The following SYT14 variants were observed in gnomAD, a reference collection of about 807,000 sequenced individuals.
SYT14 encodes synaptotagmin-14.
Under a neutral mutation model 74.2 loss-of-function variants are expected in SYT14, and 32 were observed. That is an observed-to-expected ratio of 0.43 (90% CI 0.33 to 0.58). SYT14 has a LOEUF of 0.58. Among genes scored for constraint, SYT14 ranks in the 20% least tolerant of loss-of-function variants. The pLI is 0.05. For missense variants in SYT14, 791 were observed against 981.8 expected (o/e 0.81, Z 2.60); for synonymous variants, 298 against 337.7 (o/e 0.88, Z 1.29).
At chr1:210,094,467 C>G (rs2081933264) in exon 6 of SYT14, 1 of 1,613,852 alleles carries the variant, frequency 6.2e-7, no homozygotes. Flanking sequence ...ACTGCAGCAA[C>G]AGTCCAAGAT....
At chr1:209,945,401 T>A (rs1196067203) in intron 1 of SYT14, among the ~76,000 whole-genome samples, 1 of 152,154 alleles carries the variant, frequency 6.6e-6, no homozygotes, top group Non-Finnish European at 1.5e-5. Context: ...AATGGTCTAA[T>A]TAGGGACAAA....
At chr1:210,001,449 TG>T (rs1254852471) in intron 2 of SYT14, among the ~76,000 whole-genome samples, 2 of 152,206 alleles carry the variant, frequency 1.3e-5, no homozygotes, top group African/African-American at 2.4e-5. Flanking sequence ...TTTCTGGATT[TG>T]GGTTTTAGTA....
At chr1:210,087,533 T>C (rs765853811) in intron 5 of SYT14, among the ~76,000 whole-genome samples, 1 of 152,170 alleles carries the variant, frequency 6.6e-6, no homozygotes, top group Non-Finnish European at 1.5e-5. Flanking sequence ...AGCTTCCTTA[T>C]CCTGCCAAGG....
intron 2 of SYT14, among the ~76,000 whole-genome samples, chr1:210,010,807 A>G (rs1051188020): frequency 2.0e-5 from 3 of 152,232 alleles, no homozygotes; most frequent in Non-Finnish European, 4.4e-5. Flanking sequence ...CACTGGGGCC[A>G]GACAGGGTTT....
chr1:210,103,911 T>C (rs2082114851), intron 7 of SYT14, among the ~76,000 whole-genome samples: 1 of 152,228 alleles, frequency 6.6e-6, no homozygotes, highest in South Asian at 2.1e-4. Flanking sequence ...TTCTACCTTT[T>C]CAGTAACTAT....
At chr1:209,947,647 A>G (rs2078843350) in intron 1 of SYT14, among the ~76,000 whole-genome samples, 1 of 152,246 alleles carries the variant, frequency 6.6e-6, no homozygotes, top group Non-Finnish European at 1.5e-5. Context: ...TGCTATGAAC[A>G]TTGTTGGAAT....
chr1:210,009,849 T>C (rs2080053927), intron 2 of SYT14, among the ~76,000 whole-genome samples: 1 of 152,192 alleles, frequency 6.6e-6, no homozygotes, highest in South Asian at 2.1e-4. Flanking sequence ...TTTCTTCTCA[T>C]ATCCTTCATT....
Position 209,972,833 on chromosome 1 carries a change from G to GTACAATATTCTGTAGATGGT in SYT14, c.-486+20080_-486+20099dup, listed in dbSNP as rs1158132528. On this transcript the variant is annotated intron_variant, in intron 2 of 9. Coordinates refer to ENST00000637265, the Ensembl canonical transcript of SYT14. ...AGAATGTATATTCTGTGGTTGATGGGTACAATATTCTGTAGATGGTTATTA... is the reference window on the plus strand; with the variant it reads ...AGAATGTATATTCTGTGGTTGATGGGTACAATATTCTGTAGATGGTTACAATATTCTGTAGATGGTTATTA... Among the ~76,000 whole-genome samples the GTACAATATTCTGTAGATGGT allele has an allele frequency of 1.3e-3, 205 of 152,258 alleles. 2 individuals are homozygous for GTACAATATTCTGTAGATGGT. The highest frequency in any genetic ancestry group is 2.0e-3 in the Non-Finnish European group (133 of 68,016).
At chr1:210,025,837 A>G (rs571306667) in intron 5 of SYT14, among the ~76,000 whole-genome samples, 1 of 152,294 alleles carries the variant, frequency 6.6e-6, no homozygotes, top group African/African-American at 2.4e-5. Flanking sequence ...TTTAACCCAA[A>G]GTCACACAGC....
At chr1:209,996,902 A>G (rs911316767) in intron 2 of SYT14, among the ~76,000 whole-genome samples, 1 of 152,166 alleles carries the variant, frequency 6.6e-6, no homozygotes, top group African/African-American at 2.4e-5. Context: ...AAAGCTTTAG[A>G]TAAAATCCAG....
At chr1:209,995,526 C>T (rs2079773191) in intron 2 of SYT14, among the ~76,000 whole-genome samples, 1 of 152,056 alleles carries the variant, frequency 6.6e-6, no homozygotes, top group South Asian at 2.1e-4. Flanking sequence ...TAGACAACCA[C>T]GTAATAATAG....
intron 5 of SYT14, among the ~76,000 whole-genome samples, chr1:210,090,397 A>T (rs2081842567): frequency 6.6e-6 from 1 of 151,896 alleles, no homozygotes; most frequent in Admixed American, 6.6e-5. Flanking sequence ...GCAGTCGTTG[A>T]ATATACATCA....
intron 5 of SYT14, among the ~76,000 whole-genome samples, chr1:210,027,601 A>G (rs1181918139): frequency 6.6e-6 from 1 of 152,082 alleles, no homozygotes; most frequent in Non-Finnish European, 1.5e-5. Context: ...ACACTCGCAC[A>G]GTTCAAACTC....
At chr1:209,982,348 G>T (rs1209765605) in intron 2 of SYT14, among the ~76,000 whole-genome samples, 1 of 152,030 alleles carries the variant, frequency 6.6e-6, no homozygotes, top group Admixed American at 6.6e-5. Context: ...TGGAGACAAG[G>T]TTTCACCGTA....
intron 5 of SYT14, among the ~76,000 whole-genome samples, chr1:210,026,336 C>T (rs1425003829): frequency 6.6e-6 from 1 of 152,022 alleles, no homozygotes; most frequent in African/African-American, 2.4e-5. Context: ...AAATTTCACT[C>T]ATGCTAATTA....
chr1:209,960,431 G>T (rs2079059514), intron 2 of SYT14, among the ~76,000 whole-genome samples: 1 of 152,062 alleles, frequency 6.6e-6, no homozygotes, highest in Non-Finnish European at 1.5e-5. Context: ...GAATCCATTG[G>T]GAAGATGTAT....
chr1:210,112,861 CT>C (rs1282768318), intron 7 of SYT14, among the ~76,000 whole-genome samples: 1 of 151,234 alleles, frequency 6.6e-6, no homozygotes, highest in Non-Finnish European at 1.5e-5. Context: ...GACATGTAGT[CT>C]TTTGCAAGAG....
chr1:209,948,009 AT>A (rs899850942), intron 1 of SYT14, among the ~76,000 whole-genome samples: 2 of 150,828 alleles, frequency 1.3e-5, no homozygotes, highest in African/African-American at 5.0e-5. Context: ...AAGATCATAC[AT>A]TTTTTAAGAT....
chr1:210,161,776 G>A, exon 10 of SYT14: 1 of 453,900 alleles, frequency 2.2e-6, no homozygotes, highest in Admixed American at 2.4e-5. Flanking sequence ...CTTCTAGACA[G>A]GTTGTACTGT....
Sources: allele counts gnomAD v4.1 joint callset (sites outside exome capture counted in the v4.1 genomes callset), GRCh38; gene constraint gnomAD v4.1.1; transcripts MANE v1.5; gene names NCBI Gene and HGNC (gene_info 2026-07-23, HGNC 2026-07-21).